The following SRPK1 variants were observed in gnomAD, a reference collection of about 807,000 sequenced individuals.
The protein encoded by SRPK1 is SFRS protein kinase 1.
SRPK1 carries 52 observed loss-of-function variants against 89.5 expected under a neutral mutation model. The ratio of observed to expected loss-of-function variants is 0.58; its 90% CI spans 0.46 to 0.73. SRPK1 has a LOEUF of 0.73. SRPK1 is among the 30% of genes least tolerant of loss of function. The pLI is 0.00. For missense variants in SRPK1, 603 were observed against 780.6 expected (o/e 0.77, Z 2.71); for synonymous variants, 255 against 270.2 (o/e 0.94, Z 0.55).
chr6:35,854,726 T>A (rs2395639), intron 13 of SRPK1, among the ~76,000 whole-genome samples: 32,142 of 150,276 alleles, frequency 0.21, 4,427 homozygotes, highest in South Asian at 0.37. Flanking sequence ...AAAAAAAAAA[T>A]GTCATTTTCT....
intron 12 of SRPK1, among the ~76,000 whole-genome samples, chr6:35,862,981 C>G (rs917693669): frequency 6.6e-6 from 1 of 150,544 alleles, no homozygotes; most frequent in Non-Finnish European, 1.5e-5. Flanking sequence ...CATAGTGAGA[C>G]CTTGTCTCTA....
Position 35,915,154 on chromosome 6 carries a change from G to T in SRPK1, c.74+5314C>A, listed in dbSNP as rs1020160957. 3.3e-5 allele frequency among the ~76,000 whole-genome samples: 5 copies of T among 152,100 alleles called. No individual in the cohort carries two copies. The South Asian group carries it at 8.3e-4, about 25-fold the overall frequency. The stretch of plus-strand genomic sequence containing the variant: ...TATGGCGGCTTACATCTGTAATCCT[G>T]GCACTTTGGGAGGCTGAGGCGGGCA... On this transcript the variant is annotated intron_variant, in intron 2 of 15. Coordinates refer to ENST00000373825, the MANE Select transcript of SRPK1 (RefSeq NM_003137.5).
At chr6:35,875,529 A>G (rs1770138112) in intron 6 of SRPK1, among the ~76,000 whole-genome samples, 1 of 152,194 alleles carries the variant, frequency 6.6e-6, no homozygotes, top group South Asian at 2.1e-4. Flanking sequence ...ACTATAAAGG[A>G]TAAAATTATG....
At chr6:35,868,286 C>T (rs1005004529) in intron 12 of SRPK1, among the ~76,000 whole-genome samples, 47 of 152,070 alleles carry the variant, frequency 3.1e-4, no homozygotes, top group African/African-American at 1.1e-3. Flanking sequence ...GCCTGGCTAA[C>T]TGAAGTATCC....
chr6:35,918,543 C>G (rs921015775), intron 2 of SRPK1, among the ~76,000 whole-genome samples: 2 of 151,888 alleles, frequency 1.3e-5, no homozygotes, highest in African/African-American at 4.8e-5. Flanking sequence ...CAAAAACAAA[C>G]AAACAAAAAA....
In SRPK1 at chr6:35,857,296, T is replaced by C. The variant is rs1769685211; in HGVS notation, c.1585A>G (p.Asn529Asp). 1.9e-6 allele frequency: 3 copies of C among 1,613,208 alleles called. No homozygotes were observed. Among genetic ancestry groups the C allele is most frequent in the Admixed American group, 1.7e-5 (1 of 59,896 alleles). Residue 529 changes from asparagine to aspartate, a missense_variant, in exon 13 of 16, where the codon AAT becomes GAT. Asn to Asp is a conservative substitution (Grantham distance 23). Coordinates refer to ENST00000373825, the MANE Select transcript of SRPK1 (RefSeq NM_003137.5). ...GTGCTCCAAATGTCAGCAGGGGTAT[T>C]ATAGCCAGATCCGATTAGAACTTCC... ...SLEVLIGSGYNTPADIWSTAC... is the reference protein window; with the variant it reads ...SLEVLIGSGYDTPADIWSTAC...
intron 2 of SRPK1, 52 bp from the exon 3 acceptor site, chr6:35,891,065 C>T (rs1166757426): frequency 6.6e-7 from 1 of 1,518,054 alleles, no homozygotes; most frequent in Non-Finnish European, 8.8e-7. Context: ...GAAAATAAGA[C>T]ATTATCAAAT....
intron 14 of SRPK1, chr6:35,838,837 C>A: frequency 7.4e-7 from 1 of 1,358,004 alleles, no homozygotes; most frequent in Non-Finnish European, 9.8e-7. Flanking sequence ...CAAGGACAAG[C>A]TGTAAAAGAG....
intron 2 of SRPK1, among the ~76,000 whole-genome samples, chr6:35,910,733 A>C (rs1250803905): frequency 6.6e-6 from 1 of 152,220 alleles, no homozygotes; most frequent in East Asian, 1.9e-4. Context: ...AGTGACTTTA[A>C]GTTGAGGCCA....
chr6:35,899,824 A>G (rs946275135), intron 2 of SRPK1, among the ~76,000 whole-genome samples: 2 of 152,026 alleles, frequency 1.3e-5, no homozygotes, highest in Non-Finnish European at 2.9e-5. Flanking sequence ...CAACTTGGCA[A>G]AACCCCATCT....
At chr6:35,886,457 A>G (rs763781787) in intron 6 of SRPK1, among the ~76,000 whole-genome samples, 34 of 152,318 alleles carry the variant, frequency 2.2e-4, no homozygotes, top group Admixed American at 1.4e-3. Flanking sequence ...CTCTTTACTT[A>G]GTGATACAAC....
At chr6:35,906,603 G>C (rs111390396) in intron 2 of SRPK1, among the ~76,000 whole-genome samples, 32 of 152,212 alleles carry the variant, frequency 2.1e-4, no homozygotes, top group African/African-American at 7.2e-4. Context: ...TCCAGAACAG[G>C]AAATTCCATA....
rs1378124107 is a variant in SRPK1, at chr6:35,857,324, G to C, written c.1557C>G (p.Ser519=). ...TEDIQTRQYR[S]LEVLIGSGYN... is the part of the protein sequence containing the mutation. ...AGCCAGATCCGATTAGAACTTCCAAGGAACGATATTGCCTTGTTTGAATAT... is the reference window on the plus strand; with the variant it reads ...AGCCAGATCCGATTAGAACTTCCAACGAACGATATTGCCTTGTTTGAATAT... Residue 519 remains serine, a synonymous_variant, in exon 13 of 16, where the codon TCC becomes TCG. Coordinates refer to ENST00000373825, the MANE Select transcript of SRPK1 (RefSeq NM_003137.5). The C allele has an allele frequency of 6.2e-7, 1 of 1,613,178 alleles. No homozygotes were observed. The highest frequency in any genetic ancestry group is 1.1e-5 in the South Asian group (1 of 90,836).
At chr6:35,885,298 C>CACACACACAGAGAGAG (rs1276672274) in intron 6 of SRPK1, among the ~76,000 whole-genome samples, 7 of 113,186 alleles carry the variant, frequency 6.2e-5, no homozygotes, top group African/African-American at 2.2e-4. Flanking sequence ...CACACACACA[C>CACACACACAGAGAGAG]AGAGAGAGAG....
intron 13 of SRPK1, among the ~76,000 whole-genome samples, chr6:35,856,491 T>C (rs1026475599): frequency 6.6e-6 from 1 of 152,182 alleles, no homozygotes; most frequent in Non-Finnish European, 1.5e-5. Flanking sequence ...TGAGGAACCA[T>C]GCTCTTAACC....
Position 35,835,308 on chromosome 6 carries a change from G to A in SRPK1, c.1964C>T (p.Ser655Phe). 1 of 1,613,106 alleles carries A rather than the reference G, an allele frequency of 6.2e-7. No individual in the cohort carries two copies. The highest frequency in any genetic ancestry group is 1.1e-5 in the South Asian group (1 of 90,950). Residue 655 changes from serine to phenylalanine, a missense_variant, in exon 16 of 16, where the codon TCC becomes TTC. By Grantham distance (155) the Ser-to-Phe change is radical. Transcript: ENST00000373825. Reference protein sequence around the residue: ...AECLRHPWLNS With the variant: ...AECLRHPWLNF ...GCTGTGGTGCTGGGCAGGGGCTTAG[G>A]AGTTAAGCCAAGGGTGCCGGAGACA...
rs766208360 is a variant in SRPK1 at position 35,835,313 on chromosome 6, A to G, written c.1959T>C (p.Leu653=). The G allele has an allele frequency of 1.2e-6, 2 of 1,613,346 alleles. No individual in the cohort carries two copies. Among genetic ancestry groups the G allele is most frequent in the Admixed American group, 3.3e-5 (2 of 59,952 alleles). Residue 653 remains leucine (L), a synonymous_variant, in exon 16 of 16, where the codon CTT becomes CTC. Transcript: ENST00000373825. ...GGTGCTGGGCAGGGGCTTAGGAGTT[A>G]AGCCAAGGGTGCCGGAGACACTCGG... The part of the protein sequence containing the change: ...TAAECLRHPW[L]NS
At chr6:35,876,116 C>A (rs536003469) in intron 6 of SRPK1, among the ~76,000 whole-genome samples, 2 of 111,752 alleles carry the variant, frequency 1.8e-5, no homozygotes, top group Non-Finnish European at 3.8e-5. Context: ...AAGGCAATGT[C>A]ATAAATGTTC....
chr6:35,903,374 T>C (rs1770787302), intron 2 of SRPK1, among the ~76,000 whole-genome samples: 1 of 152,060 alleles, frequency 6.6e-6, no homozygotes, highest in African/African-American at 2.4e-5. Context: ...TAGTCAGGTG[T>C]GGTGGCATGT....
Sources: gnomAD v4.1 joint callset for allele counts (sites outside exome capture counted in the v4.1 genomes callset) on GRCh38, gnomAD v4.1.1 for gene constraint, MANE v1.5 for transcripts, NCBI Gene and HGNC (gene_info 2026-07-23, HGNC 2026-07-21) for gene names.